The following COBL variants were observed in gnomAD, a reference collection of about 807,000 sequenced individuals.
The protein encoded by COBL is protein cordon-bleu.
COBL carries 51 observed loss-of-function variants against 98.8 expected under a neutral mutation model. That is an observed-to-expected ratio of 0.52 (90% CI 0.41 to 0.65). COBL has a LOEUF of 0.65. Among genes scored for constraint, COBL ranks in the 30% least tolerant of loss-of-function variants. The pLI, the probability that COBL is intolerant of heterozygous loss-of-function variation, is 0.00. For synonymous variants in COBL, 634 were observed against 651.7 expected, an observed-to-expected ratio of 0.97 and a Z score of 0.41; for missense variants, 1,617 against 1,617.5, an observed-to-expected ratio of 1.00 and a Z score of 0.01.
intron 8 of COBL, among the ~76,000 whole-genome samples, chr7:51,038,350 C>T (rs549316780): frequency 1.7e-4 from 26 of 152,168 alleles, no homozygotes; most frequent in Non-Finnish European, 3.5e-4. Context: ...AGTGAAGATG[C>T]CACTGGGCCA....
At chr7:51,086,140 T>C (rs1340788393) in intron 6 of COBL, among the ~76,000 whole-genome samples, 1 of 152,176 alleles carries the variant, frequency 6.6e-6, no homozygotes, top group African/African-American at 2.4e-5. Context: ...ATTCGTTCAC[T>C]CTCATTGATT....
chr7:51,263,650 C>T (rs1162727262), intron 1 of COBL, among the ~76,000 whole-genome samples: 1 of 151,962 alleles, frequency 6.6e-6, no homozygotes, highest in Non-Finnish European at 1.5e-5. Context: ...ATGAAGAGTT[C>T]CCAGGCGTGG....
chr7:51,146,314 C>G (rs956325217), intron 5 of COBL, among the ~76,000 whole-genome samples: 1 of 152,174 alleles, frequency 6.6e-6, no homozygotes, highest in Non-Finnish European at 1.5e-5. Flanking sequence ...CTCCTTGGGG[C>G]TCCCTTGCCA....
At chr7:51,025,676 G>A (rs1400520521) in intron 11 of COBL, among the ~76,000 whole-genome samples, 1 of 152,178 alleles carries the variant, frequency 6.6e-6, no homozygotes, top group African/African-American at 2.4e-5. Flanking sequence ...CCAGAACTGT[G>A]AGCAATAAAA....
At chr7:51,233,542 C>T (rs1224265389) in intron 1 of COBL, among the ~76,000 whole-genome samples, 1 of 152,198 alleles carries the variant, frequency 6.6e-6, no homozygotes, top group African/African-American at 2.4e-5. Context: ...GACAGCAGGC[C>T]GTGCGCTCTG....
At chr7:51,293,211 A>G (rs772363431) in intron 1 of COBL, among the ~76,000 whole-genome samples, 1 of 152,246 alleles carries the variant, frequency 6.6e-6, no homozygotes, top group Non-Finnish European at 1.5e-5. Flanking sequence ...TTTGTAAAAC[A>G]TGAAACATAA....
At chr7:51,024,181 C>T (rs937280559) in intron 12 of COBL, among the ~76,000 whole-genome samples, 1 of 151,860 alleles carries the variant, frequency 6.6e-6, no homozygotes, top group Admixed American at 6.6e-5. Context: ...TGGTGGCGGG[C>T]GCCTGTAGTC....
intron 7 of COBL, among the ~76,000 whole-genome samples, chr7:51,081,757 T>A (rs1200187035): frequency 6.6e-6 from 1 of 152,040 alleles, no homozygotes; most frequent in Non-Finnish European, 1.5e-5. Flanking sequence ...TTTCCCTCAC[T>A]TTTTCCTGCA....
intron 1 of COBL, among the ~76,000 whole-genome samples, chr7:51,243,092 G>C (rs1006267636): frequency 7.2e-5 from 11 of 152,216 alleles, no homozygotes; most frequent in African/African-American, 1.9e-4. Context: ...GGATGAGTGA[G>C]CCAGTCCCGT....
intron 1 of COBL, among the ~76,000 whole-genome samples, chr7:51,288,653 C>T (rs1270269908): frequency 2.0e-5 from 3 of 151,914 alleles, no homozygotes; most frequent in Admixed American, 1.3e-4. Context: ...ACTCGGGAGG[C>T]TGAGGCAGGA....
intron 1 of COBL, among the ~76,000 whole-genome samples, chr7:51,294,920 GGGGCCTGTT>G (rs1801274276): frequency 6.6e-6 from 1 of 152,042 alleles, no homozygotes; most frequent in African/African-American, 2.4e-5. Context: ...AGCACACACT[GGGGCCTGTT>G]GCGGGGTAGG....
Position 51,201,920 on chromosome 7 carries a change from T to A in COBL, c.246-8331A>T, listed in dbSNP as rs78224850. Among the ~76,000 whole-genome samples, 725 of 152,330 alleles carry A rather than the reference T, an allele frequency of 4.8e-3. 5 individuals are homozygous for A. The highest frequency in any genetic ancestry group is 7.2e-3 in the Non-Finnish European group (488 of 68,024). On this transcript the variant is annotated intron_variant, in intron 2 of 12. Transcript: ENST00000265136. ...ATAAATGAACAACTCACAAATTTAA[T>A]CAGTGTGATGAAATCTTGCACCATC...
At chr7:51,025,515 A>T in intron 11 of COBL, 143 bp from the exon 12 acceptor site, 1 of 783,582 alleles carries the variant, frequency 1.3e-6, no homozygotes, top group Non-Finnish European at 2.0e-6. Flanking sequence ...CATGAATGGG[A>T]TTAGTGCTCT....
At chr7:51,273,145 A>G (rs573814359) in intron 1 of COBL, among the ~76,000 whole-genome samples, 1 of 152,240 alleles carries the variant, frequency 6.6e-6, no homozygotes, top group East Asian at 1.9e-4. Flanking sequence ...CCTGGCCAAC[A>G]TGGTGAAACC....
At chr7:51,237,788 G>C (rs1009037286) in intron 1 of COBL, among the ~76,000 whole-genome samples, 1 of 152,178 alleles carries the variant, frequency 6.6e-6, no homozygotes, top group African/African-American at 2.4e-5. Context: ...ACGTGTATTA[G>C]AATAGACCAA....
chr7:51,094,266 T>C (rs998571007), intron 6 of COBL, among the ~76,000 whole-genome samples: 2 of 152,004 alleles, frequency 1.3e-5, no homozygotes, highest in African/African-American at 4.8e-5. Flanking sequence ...GGTTAAAGGG[T>C]GCCAAGTTTC....
chr7:51,100,208 CTA>C lies in COBL; in HGVS notation c.958-14906_958-14905del, dbSNP rs796773807. Among the ~76,000 whole-genome samples, 10 of 152,338 alleles carry C rather than the reference CTA, an allele frequency of 6.6e-5. No individual in the cohort carries two copies. The South Asian group carries it at 2.1e-3, about 32-fold the overall frequency. On this transcript the variant is annotated intron_variant, in intron 6 of 12. Transcript: ENST00000265136. Reference sequence around the variant, plus strand: ...TTGCCCACGTATTATTTTCTAGTCTCTATTTCTCATTCTCTCCTTAAAATATT... The same window carrying C: ...TTGCCCACGTATTATTTTCTAGTCTCTTTCTCATTCTCTCCTTAAAATATT...
At chr7:51,095,924 G>C (rs999635575) in intron 6 of COBL, among the ~76,000 whole-genome samples, 1 of 152,030 alleles carries the variant, frequency 6.6e-6, no homozygotes, top group African/African-American at 2.4e-5. Context: ...GAAATAGACA[G>C]AAACACAATT....
At chr7:51,042,298 T>C (rs1055538075) in intron 8 of COBL, among the ~76,000 whole-genome samples, 1 of 152,236 alleles carries the variant, frequency 6.6e-6, no homozygotes, top group Admixed American at 6.5e-5. Flanking sequence ...AAATGTTCCA[T>C]GTGTAAATAA....
Sources: allele counts gnomAD v4.1 joint callset (sites outside exome capture counted in the v4.1 genomes callset), GRCh38; gene constraint gnomAD v4.1.1; transcripts MANE v1.5; gene names NCBI Gene and HGNC (gene_info 2026-07-23, HGNC 2026-07-21).